The following PRKD1 variants were observed in gnomAD, a reference collection of about 807,000 sequenced individuals.
PRKD1 encodes the protein serine/threonine-protein kinase D1.
Under a neutral mutation model 95.9 loss-of-function variants are expected in PRKD1, and 63 were observed. The ratio of observed to expected loss-of-function variants is 0.66; its 90% CI spans 0.54 to 0.81. The LOEUF (loss-of-function observed/expected upper bound fraction) is 0.81, where lower values mean the gene tolerates loss of function less well. Ranked by LOEUF, PRKD1 falls within the 30% of genes least tolerant of loss-of-function variation. The probability of loss-of-function intolerance (pLI) is 0.00; values close to 1 mark genes in which losing one functional copy is unlikely to be tolerated. For synonymous variants in PRKD1, 425 were observed against 423.1 expected (o/e 1.00, Z -0.05); for missense variants, 1,048 against 1,165.3 (o/e 0.90, Z 1.47).
At chr14:29,620,305 A>G (rs1240977097) in intron 13 of PRKD1, among the ~76,000 whole-genome samples, 1 of 151,946 alleles carries the variant, frequency 6.6e-6, no homozygotes, top group Non-Finnish European at 1.5e-5. Flanking sequence ...CAATGGCAAC[A>G]AAAGCCAAAA....
chr14:29,587,385 T>A (rs1892972418), intron 16 of PRKD1, among the ~76,000 whole-genome samples: 1 of 152,218 alleles, frequency 6.6e-6, no homozygotes, highest in Admixed American at 6.5e-5. Context: ...TTACAGAATA[T>A]TTTTGTTGAT....
chr14:29,756,449 T>C (rs933859668), intron 1 of PRKD1, among the ~76,000 whole-genome samples: 3 of 152,210 alleles, frequency 2.0e-5, no homozygotes, highest in African/African-American at 7.2e-5. Context: ...TAAATATGCA[T>C]GCATATTTAA....
rs1879643649 is a variant in PRKD1, at chr14:29,626,620, A to T, written c.1726-64T>A. On this transcript the variant is annotated intron_variant, in intron 11 of 17. Coordinates refer to ENST00000331968, the MANE Select transcript of PRKD1 (RefSeq NM_002742.3). ...GAACAAAACATTAGTCCTAAAAATT[A>T]ATATAATTCTATTAAATATATTATA... 4.2e-6 allele frequency: 4 copies of T among 948,092 alleles called. No homozygotes were observed. In the South Asian group the frequency reaches 9.8e-5, roughly 23 times the overall value. The allele number at this position is 948,092 out of a possible 1,614,324, so 58.7% of individuals were successfully genotyped here.
chr14:29,656,089 AT>A (rs1881819825), intron 4 of PRKD1, among the ~76,000 whole-genome samples: 1 of 152,154 alleles, frequency 6.6e-6, no homozygotes, highest in Non-Finnish European at 1.5e-5. Flanking sequence ...CATAAGATTC[AT>A]TTAACATAGC....
Position 29,927,344 on chromosome 14 carries a change from G to C in PRKD1, c.169C>G (p.Leu57Val). The change falls in exon 1 of 18, where the codon CTG becomes GTG. Residue 57 changes from leucine (L) to valine (V), a missense_variant. Leu to Val is a conservative substitution (Grantham distance 32). This residue lies in a region of PRKD1 where 275 missense variants were observed against 248.6 expected (regional missense o/e 1.11). Transcript: ENST00000331968. ...AGCAGCAGCACCGGCTCACGGCTCA[G>C]GCCGATCTGCAGATGGAACGAGATG... ...GGISFHLQIG[L>V]SREPVLLLQD... 1 of 1,567,758 alleles carries C rather than the reference G, an allele frequency of 6.4e-7. No individual in the cohort carries two copies. The highest frequency in any genetic ancestry group is 8.6e-7 in the Non-Finnish European group (1 of 1,159,112).
intron 1 of PRKD1, among the ~76,000 whole-genome samples, chr14:29,892,874 C>A (rs998753291): frequency 2.0e-5 from 3 of 152,176 alleles, no homozygotes; most frequent in Admixed American, 1.3e-4. Flanking sequence ...TTCCACCAAA[C>A]ACATCTATTT....
intron 2 of PRKD1, among the ~76,000 whole-genome samples, chr14:29,693,030 T>C (rs1884322839): frequency 7.9e-5 from 12 of 151,238 alleles, no homozygotes; most frequent in Admixed American, 7.2e-4. Flanking sequence ...CAATGCGTGA[T>C]GTATTTTAAA....
rs567977129 is a variant in PRKD1 at position 29,846,212 on chromosome 14, T to C, written c.264+81037A>G. 9.8e-5 allele frequency among the ~76,000 whole-genome samples: 15 copies of C among 152,312 alleles called. No individual in the cohort carries two copies. In the South Asian group the frequency reaches 3.1e-3, roughly 32 times the overall value. On this transcript the variant is annotated intron_variant, in intron 1 of 17. Transcript: ENST00000331968. ...AGGTATAAACAAGAAAAATCCCTGATTTATGGAGCTTACATTTTACTGTGA... is the reference window on the plus strand; with the variant it reads ...AGGTATAAACAAGAAAAATCCCTGACTTATGGAGCTTACATTTTACTGTGA...
chr14:29,769,815 A>G (rs1287002351), intron 1 of PRKD1, among the ~76,000 whole-genome samples: 1 of 152,222 alleles, frequency 6.6e-6, no homozygotes, highest in Non-Finnish European at 1.5e-5. Flanking sequence ...ATTATTAAAC[A>G]CTGTAGATGT....
intron 1 of PRKD1, among the ~76,000 whole-genome samples, chr14:29,907,146 T>C (rs1460447698): frequency 6.6e-6 from 1 of 152,228 alleles, no homozygotes; most frequent in Non-Finnish European, 1.5e-5. Flanking sequence ...GCTTTCACTA[T>C]CTTTAAATCT....
At chr14:29,663,590 C>A in intron 4 of PRKD1, 109 bp downstream of exon 4, 2 of 1,255,288 alleles carry the variant, frequency 1.6e-6, no homozygotes, top group Non-Finnish European at 2.3e-6. Context: ...GTCATTAACA[C>A]CCTGGCTGCA....
At chr14:29,627,165 A>T (rs1248034508) in intron 11 of PRKD1, among the ~76,000 whole-genome samples, 1 of 152,246 alleles carries the variant, frequency 6.6e-6, no homozygotes, top group Admixed American at 6.5e-5. Flanking sequence ...ATAAGTATTG[A>T]AAAAGATATT....
At chr14:29,615,114 G>A (rs1878765978) in intron 13 of PRKD1, among the ~76,000 whole-genome samples, 1 of 152,216 alleles carries the variant, frequency 6.6e-6, no homozygotes, top group South Asian at 2.1e-4. Context: ...TGTAGGGAAA[G>A]TGGAATAGGC....
intron 4 of PRKD1, among the ~76,000 whole-genome samples, chr14:29,662,646 TA>T (rs1177391961): frequency 6.6e-6 from 1 of 152,066 alleles, no homozygotes; most frequent in African/African-American, 2.4e-5. Context: ...GTTTACACTG[TA>T]AAAAAATTTT....
intron 2 of PRKD1, among the ~76,000 whole-genome samples, chr14:29,669,622 C>T (rs571920048): frequency 6.6e-6 from 1 of 152,178 alleles, no homozygotes; most frequent in Non-Finnish European, 1.5e-5. Flanking sequence ...GATCCCAACA[C>T]TTTGGGAGGC....
At chr14:29,844,806 C>T (rs1296172966) in intron 1 of PRKD1, among the ~76,000 whole-genome samples, 2 of 152,138 alleles carry the variant, frequency 1.3e-5, no homozygotes, top group Non-Finnish European at 2.9e-5. Context: ...GGCCCAGTCT[C>T]CCTCTAGTTA....
At chr14:29,673,770 C>A (rs558815406) in intron 2 of PRKD1, among the ~76,000 whole-genome samples, 2 of 152,196 alleles carry the variant, frequency 1.3e-5, no homozygotes, top group Non-Finnish European at 2.9e-5. Context: ...AGAATAATAT[C>A]TTGGATCACA....
Position 29,599,014 on chromosome 14 carries a change from C to CT in PRKD1, c.2166+12dup. 5 of 1,604,270 alleles carry CT rather than the reference C, an allele frequency of 3.1e-6. No individual in the cohort carries two copies. The highest frequency in any genetic ancestry group is 4.3e-6 in the Non-Finnish European group (5 of 1,171,390). ...CCAACTGGCTTTTTGCTGAGAGAGG[C>CT]TTTTATACTTGCCTGAGGAAAAGGA... On this transcript the variant is annotated intron_variant, in intron 15 of 17. Transcript: ENST00000331968.
chr14:29,629,057 T>C lies in PRKD1; in HGVS notation c.1709A>G (p.Gln570Arg). Residue 570 changes from glutamine to arginine, a missense_variant, in exon 11 of 18, where the codon CAG becomes CGG. By Grantham distance (43) the Gln-to-Arg change is conservative. Transcript: ENST00000331968. ...CATACTTACCACATTTTCTTGAATCTGGCAATTTGATACTGAAATACTCAC... is the reference window on the plus strand; with the variant it reads ...CATACTTACCACATTTTCTTGAATCCGGCAATTTGATACTGAAATACTCAC... ...ISVSISVSNC[Q>R]IQENVDISTV... is the part of the protein sequence containing the mutation. 6.2e-7 allele frequency: 1 copy of C among 1,607,148 alleles called. No individual in the cohort carries two copies. The highest frequency in any genetic ancestry group is 8.5e-7 in the Non-Finnish European group (1 of 1,176,334).
Sources: allele counts gnomAD v4.1 joint callset (sites outside exome capture counted in the v4.1 genomes callset), GRCh38; gene constraint gnomAD v4.1.1; regional missense constraint gnomAD v4.1.1; transcripts MANE v1.5; gene names NCBI Gene and HGNC (gene_info 2026-07-23, HGNC 2026-07-21).